GPC5: variants seen among roughly 807,000 people sequenced by gnomAD.
GPC5 encodes glypican 5, also known as glypican-5.
GPC5 carries 47 observed loss-of-function variants against 53.9 expected under a neutral mutation model. That is an observed-to-expected ratio of 0.87 (90% CI 0.69 to 1.11). GPC5 has a LOEUF of 1.11. Ranked by LOEUF, GPC5 falls within the 50% of genes most tolerant of loss-of-function variation. The pLI, the probability that GPC5 is intolerant of heterozygous loss-of-function variation, is 0.00. For missense variants in GPC5, 748 were observed against 713.1 expected, an observed-to-expected ratio of 1.05 and a Z score of -0.56; for synonymous variants, 286 against 263.3, an observed-to-expected ratio of 1.09 and a Z score of -0.84.
intron 7 of GPC5, among the ~76,000 whole-genome samples, chr13:92,206,054 A>C (rs1338771849): frequency 6.6e-6 from 1 of 151,524 alleles, no homozygotes; most frequent in East Asian, 1.9e-4. Context: ...AAAAAAAAAA[A>C]AAAAAAAAAC....
At position 91,803,779 on chromosome 13, in the gene GPC5, CAG is replaced by C. The variant is rs201731669; in HGVS notation, c.1280+47361_1280+47362del. ...TATATAACAGAGACAGACAGACAGA[CAG>C]ACACACACACACACACACACACACA... On this transcript the variant is annotated intron_variant, in intron 5 of 7. Coordinates refer to ENST00000377067, the MANE Select transcript of GPC5 (RefSeq NM_004466.6). Among the ~76,000 whole-genome samples, 15 of 121,798 alleles carry C rather than the reference CAG, an allele frequency of 1.2e-4. No homozygotes were observed. The East Asian group carries it at 4.6e-3, about 37-fold the overall frequency. The allele number at this position is 121,798 out of a possible 152,430, so 79.9% of individuals were successfully genotyped here. A position where few individuals can be genotyped will look rare whatever the true frequency, so the allele number is the denominator to read the frequency against.
At chr13:92,825,139 C>G (rs1594531595) in intron 7 of GPC5, among the ~76,000 whole-genome samples, 1 of 152,170 alleles carries the variant, frequency 6.6e-6, no homozygotes, top group East Asian at 1.9e-4. Flanking sequence ...TGCCCTATTC[C>G]TGGGAAGACC....
intron 5 of GPC5, among the ~76,000 whole-genome samples, chr13:91,890,370 C>G (rs1566325695): frequency 6.6e-6 from 1 of 152,106 alleles, no homozygotes; most frequent in Non-Finnish European, 1.5e-5. Flanking sequence ...CTACTTTGAT[C>G]AAGATCTTTC....
intron 7 of GPC5, among the ~76,000 whole-genome samples, chr13:92,392,788 T>C (rs546553290): frequency 1.2e-4 from 18 of 152,174 alleles, no homozygotes; most frequent in African/African-American, 3.6e-4. Flanking sequence ...CCAACAAGCA[T>C]ATATAAAAAA....
At chr13:91,964,782 A>G (rs1189777451) in intron 6 of GPC5, among the ~76,000 whole-genome samples, 4 of 152,158 alleles carry the variant, frequency 2.6e-5, no homozygotes, top group Non-Finnish European at 2.9e-5. Context: ...ACACATGCAC[A>G]TGTGTGTTTA....
intron 7 of GPC5, among the ~76,000 whole-genome samples, chr13:92,145,788 G>A (rs1190331334): frequency 6.6e-6 from 1 of 152,112 alleles, no homozygotes; most frequent in Admixed American, 6.6e-5. Context: ...AAAGGCAGGG[G>A]TCACCTTCTG....
At chr13:91,524,945 A>G (rs1886014930) in intron 2 of GPC5, among the ~76,000 whole-genome samples, 1 of 152,214 alleles carries the variant, frequency 6.6e-6, no homozygotes, top group South Asian at 2.1e-4. Flanking sequence ...CTCTTGTATT[A>G]CTGATGAAAA....
chr13:91,974,647 A>C (rs1373313074), intron 6 of GPC5, among the ~76,000 whole-genome samples: 11 of 152,212 alleles, frequency 7.2e-5, no homozygotes, highest in Non-Finnish European at 1.3e-4. Flanking sequence ...AGAACATTGC[A>C]TGCTCATGGG....
At chr13:92,182,207 T>G (rs934183863) in intron 7 of GPC5, among the ~76,000 whole-genome samples, 1 of 152,228 alleles carries the variant, frequency 6.6e-6, no homozygotes, top group African/African-American at 2.4e-5. Flanking sequence ...TCCCTGATTA[T>G]TCCTCCCTTA....
chr13:91,607,227 C>T (rs1455189232), intron 2 of GPC5, among the ~76,000 whole-genome samples: 1 of 152,114 alleles, frequency 6.6e-6, no homozygotes, highest in Non-Finnish European at 1.5e-5. Context: ...CACCGGTGCA[C>T]CTTGAAATTT....
chr13:91,602,783 G>A (rs140246083), intron 2 of GPC5, among the ~76,000 whole-genome samples: 22 of 152,224 alleles, frequency 1.4e-4, no homozygotes, highest in East Asian at 1.2e-3. Context: ...TTTATAAAGC[G>A]TAGTTCAAGA....
chr13:92,540,087 T>C (rs1011319679), intron 7 of GPC5, among the ~76,000 whole-genome samples: 1 of 151,988 alleles, frequency 6.6e-6, no homozygotes, highest in Non-Finnish European at 1.5e-5. Flanking sequence ...TGTTTATAGA[T>C]GTTGGGGCCT....
chr13:92,431,858 G>A (rs1048554695), intron 7 of GPC5, among the ~76,000 whole-genome samples: 18 of 152,246 alleles, frequency 1.2e-4, no homozygotes, highest in Admixed American at 8.5e-4. Context: ...CTGATGAGGC[G>A]AGAGTTGGTG....
chr13:92,671,240 C>A (rs1296078537), intron 7 of GPC5, among the ~76,000 whole-genome samples: 1 of 152,006 alleles, frequency 6.6e-6, no homozygotes, highest in African/African-American at 2.4e-5. Context: ...TAAACAAGAC[C>A]AGCCTTGAAG....
At chr13:91,802,659 AT>A (rs1161292939) in intron 5 of GPC5, among the ~76,000 whole-genome samples, 2 of 152,172 alleles carry the variant, frequency 1.3e-5, no homozygotes, top group Admixed American at 6.5e-5. Flanking sequence ...TGTGTTTACA[AT>A]CCTTTAGTTA....
intron 3 of GPC5, among the ~76,000 whole-genome samples, chr13:91,717,562 C>T (rs539762718): frequency 1.3e-5 from 2 of 151,368 alleles, no homozygotes; most frequent in East Asian, 1.9e-4. Flanking sequence ...TTTGCTTGCA[C>T]ATTTTTTTTT....
intron 3 of GPC5, among the ~76,000 whole-genome samples, chr13:91,725,516 G>T (rs1429454729): frequency 6.6e-6 from 1 of 152,100 alleles, no homozygotes; most frequent in Non-Finnish European, 1.5e-5. Context: ...CTCCCTCATA[G>T]CAAGTCAACA....
chr13:91,973,338 C>G (rs1044134457), intron 6 of GPC5, among the ~76,000 whole-genome samples: 5 of 152,208 alleles, frequency 3.3e-5, no homozygotes, highest in Admixed American at 3.3e-4. Flanking sequence ...AAGGACTTCT[C>G]TGCATTAGTT....
chr13:92,489,758 C>A (rs1879689138), intron 7 of GPC5, among the ~76,000 whole-genome samples: 1 of 151,960 alleles, frequency 6.6e-6, no homozygotes, highest in Admixed American at 6.6e-5. Flanking sequence ...CACAAAATAT[C>A]TACAGTAGTT....
Sources: allele counts gnomAD v4.1 joint callset (sites outside exome capture counted in the v4.1 genomes callset), GRCh38; gene constraint gnomAD v4.1.1; transcripts MANE v1.5; gene names NCBI Gene and HGNC (gene_info 2026-07-23, HGNC 2026-07-21).